The following PCBP3 variants were observed in gnomAD, a reference collection of about 807,000 sequenced individuals.
PCBP3 encodes the protein poly(rC)-binding protein 3.
A neutral mutation model predicts 52.7 loss-of-function variants in PCBP3; 25 were observed. The observed-to-expected ratio is 0.47, with a 90% CI of 0.35 to 0.66. PCBP3 has a LOEUF of 0.66. Among genes scored for constraint, PCBP3 ranks in the 30% least tolerant of loss-of-function variants. The pLI is 0.01. For missense variants in PCBP3, 391 were observed against 490.3 expected (o/e 0.80, Z 1.91); for synonymous variants, 162 against 183.0 (o/e 0.89, Z 0.93).
At chr21:45,798,065 G>A (rs1016783620) in intron 4 of PCBP3, among the ~76,000 whole-genome samples, 6 of 141,516 alleles carry the variant, frequency 4.2e-5, no homozygotes, top group African/African-American at 1.6e-4. Flanking sequence ...GTGAATGGAT[G>A]TGCATGTGGA....
intron 1 of PCBP3, among the ~76,000 whole-genome samples, chr21:45,663,863 A>G (rs1170129839): frequency 1.3e-5 from 2 of 152,046 alleles, no homozygotes; most frequent in African/African-American, 4.8e-5. Context: ...TTTTGGTTCC[A>G]TATGAATTGT....
intron 5 of PCBP3, among the ~76,000 whole-genome samples, chr21:45,888,844 GTATC>G (rs754450026): frequency 3.0e-4 from 46 of 152,186 alleles, no homozygotes; most frequent in Non-Finnish European, 5.6e-4. Context: ...CACGTGGACA[GTATC>G]TATACATGGA....
intron 2 of PCBP3, among the ~76,000 whole-genome samples, chr21:45,713,525 C>T (rs1019910602): frequency 2.0e-5 from 3 of 152,212 alleles, no homozygotes; most frequent in Non-Finnish European, 2.9e-5. Context: ...CCCTCACTAA[C>T]GACCACCTCA....
chr21:45,861,473 G>A (rs933765439), intron 5 of PCBP3, among the ~76,000 whole-genome samples: 13 of 152,114 alleles, frequency 8.5e-5, no homozygotes, highest in Non-Finnish European at 1.5e-4. Context: ...AAGCTTTAGG[G>A]CCAGAGCACG....
chr21:45,771,464 G>T (rs2089857768), intron 4 of PCBP3, among the ~76,000 whole-genome samples: 1 of 152,182 alleles, frequency 6.6e-6, no homozygotes. Flanking sequence ...GCATCATTTT[G>T]TCTAAAATTA....
At chr21:45,810,315 C>T (rs113893952) in intron 4 of PCBP3, among the ~76,000 whole-genome samples, 253 of 151,854 alleles carry the variant, frequency 1.7e-3, no homozygotes, top group African/African-American at 5.8e-3. Context: ...TCTCAGCTCA[C>T]GGCAGTCTCA....
chr21:45,797,873 G>A (rs78534092), intron 4 of PCBP3, among the ~76,000 whole-genome samples: 20 of 29,526 alleles, frequency 6.8e-4, no homozygotes, highest in South Asian at 2.9e-3. Context: ...TGGATCCATA[G>A]AGAGAGTGAA....
rs1025053954 is a variant in PCBP3, at chr21:45,805,963, A to G, written c.-125-43998A>G. 4.6e-5 allele frequency among the ~76,000 whole-genome samples: 7 copies of G among 152,186 alleles called. 1 individual carries two copies. Among genetic ancestry groups the G allele is most frequent in the Admixed American group, 3.9e-4 (6 of 15,284 alleles). On this transcript the variant is annotated intron_variant, in intron 4 of 17. Coordinates refer to ENST00000681687, the MANE Select transcript of PCBP3 (RefSeq NM_001384156.1). This position sits in a 1 kb window ranked among gnomAD's most constrained non-coding sequence, Gnocchi z 4.6. ...GAGTCTGTGAGGTTCCCATTGCATGAGAAGATGGAGGAGCCTCCTTGTGCT... is the reference window on the plus strand; with the variant it reads ...GAGTCTGTGAGGTTCCCATTGCATGGGAAGATGGAGGAGCCTCCTTGTGCT...
chr21:45,881,500 C>T (rs909892414), intron 5 of PCBP3, among the ~76,000 whole-genome samples: 12 of 152,172 alleles, frequency 7.9e-5, no homozygotes, highest in African/African-American at 2.9e-4. Flanking sequence ...TTTGCCCAGG[C>T]TGGTCTTGAA....
At chr21:45,896,699 G>A (rs1234896518) in intron 6 of PCBP3, among the ~76,000 whole-genome samples, 2 of 140,506 alleles carry the variant, frequency 1.4e-5, no homozygotes, top group Non-Finnish European at 3.1e-5. Context: ...AGGCGGCCGC[G>A]GCACATAGAA....
At chr21:45,840,560 A>C (rs934040372) in intron 4 of PCBP3, among the ~76,000 whole-genome samples, 3 of 152,294 alleles carry the variant, frequency 2.0e-5, no homozygotes, top group Admixed American at 2.0e-4. Flanking sequence ...GTATCTCTAA[A>C]GTCTACAGTA....
In PCBP3 at chr21:45,896,165, C is replaced by T. The variant is rs557125787; in HGVS notation, c.11-43C>T. ...AGGACACCCCTGGATGTGCGTGGTC[C>T]GTGAGACTCTTCTCTAGCAGCAGCT... On this transcript the variant is annotated intron_variant, in intron 5 of 17. Coordinates refer to ENST00000681687, the MANE Select transcript of PCBP3 (RefSeq NM_001384156.1). 560 of 1,542,322 alleles carry T rather than the reference C, an allele frequency of 3.6e-4. 10 individuals are homozygous for T. The South Asian group carries it at 6.1e-3, about 17-fold the overall frequency.
In PCBP3 at chr21:45,930,768, C is replaced by A; in HGVS notation, c.797-18C>A. On this transcript the variant is annotated intron_variant, in intron 14 of 17. Coordinates refer to ENST00000681687, the MANE Select transcript of PCBP3 (RefSeq NM_001384156.1). ...CTTGAGGGCAAAACATTAAACCTGT[C>A]TCTTCTTTGCTCTCCAGGAGAAAAG... 1 of 1,094,398 alleles carries A rather than the reference C, an allele frequency of 9.1e-7. No individual in the cohort carries two copies. The highest frequency in any genetic ancestry group is 1.4e-6 in the Non-Finnish European group (1 of 705,506). 67.8% of individuals were successfully genotyped at this position (1,094,398 alleles called of 1,614,324 possible). A position where few individuals can be genotyped will look rare whatever the true frequency, so the allele number is the denominator to read the frequency against.
chr21:45,688,513 T>C (rs570477164), intron 2 of PCBP3, among the ~76,000 whole-genome samples: 13 of 152,144 alleles, frequency 8.5e-5, no homozygotes, highest in Admixed American at 7.8e-4. Context: ...AGTGCTGACA[T>C]CAGAAGAGGA....
At chr21:45,843,597 T>A (rs1246325016) in intron 4 of PCBP3, among the ~76,000 whole-genome samples, 1 of 152,242 alleles carries the variant, frequency 6.6e-6, no homozygotes, top group Non-Finnish European at 1.5e-5. Flanking sequence ...AATAATTTTA[T>A]TATTGTTGAG....
chr21:45,941,101 C>T (rs574582134), intron 17 of PCBP3, among the ~76,000 whole-genome samples: 4 of 152,322 alleles, frequency 2.6e-5, no homozygotes, highest in East Asian at 3.9e-4. Flanking sequence ...ACTGATGCCC[C>T]GCTGGGCTTC....
chr21:45,687,005 G>A (rs2082192581), intron 2 of PCBP3, among the ~76,000 whole-genome samples: 1 of 152,138 alleles, frequency 6.6e-6, no homozygotes, highest in Non-Finnish European at 1.5e-5. Context: ...TTCAAATGTG[G>A]TAAGAGCAAT....
rs111529680 is a variant in PCBP3 at position 45,768,979 on chromosome 21, T to G, written c.-126+13527T>G. Among the ~76,000 whole-genome samples the G allele has an allele frequency of 7.7e-3, 1,171 of 152,370 alleles. 16 individuals are homozygous for G. Among genetic ancestry groups the G allele is most frequent in the African/African-American group, 0.026 (1,061 of 41,596 alleles). ...GCAGGAGGTGAGCACGTGTCAGGAC[T>G]TCCAGGAGGACGGTGTCTCTGCTTC... On this transcript the variant is annotated intron_variant, in intron 4 of 17. Transcript: ENST00000681687.
chr21:45,838,455 G>A (rs879618891), intron 4 of PCBP3, among the ~76,000 whole-genome samples: 4 of 152,070 alleles, frequency 2.6e-5, no homozygotes, highest in Admixed American at 1.3e-4. Flanking sequence ...CACAGCGTGA[G>A]TATTAGGAGT....
Sources: gnomAD v4.1 joint callset for allele counts (sites outside exome capture counted in the v4.1 genomes callset) on GRCh38, gnomAD v4.1.1 for gene constraint, Gnocchi (gnomAD v3.1) non-coding constraint, MANE v1.5 for transcripts, NCBI Gene and HGNC (gene_info 2026-07-23, HGNC 2026-07-21) for gene names.